Variants in HHAT observed in about 807,000 individuals in gnomAD.
The protein encoded by HHAT is protein-cysteine N-palmitoyltransferase HHAT.
A neutral mutation model predicts 70.8 loss-of-function variants in HHAT; 47 were observed. That is an observed-to-expected ratio of 0.66 (90% confidence interval 0.53 to 0.85). The LOEUF (loss-of-function observed/expected upper bound fraction) is 0.85, where lower values mean the gene tolerates loss of function less well. Ranked by LOEUF, HHAT falls within the 40% of genes least tolerant of loss-of-function variation. The pLI, the probability that HHAT is intolerant of heterozygous loss-of-function variation, is 0.00. For synonymous variants in HHAT, 228 were observed against 247.6 expected, an observed-to-expected ratio of 0.92 and a Z score of 0.74; for missense variants, 609 against 604.8, an observed-to-expected ratio of 1.01 and a Z score of -0.07.
intron 3 of HHAT, among the ~76,000 whole-genome samples, chr1:210,372,020 A>C (rs1179069781): frequency 6.6e-6 from 1 of 152,204 alleles, no homozygotes; most frequent in Non-Finnish European, 1.5e-5. Context: ...GGGTTAAGGA[A>C]TTAAGAGGCA....
intron 2 of HHAT, among the ~76,000 whole-genome samples, chr1:210,361,686 T>C (rs952865593): frequency 6.6e-6 from 1 of 152,140 alleles, no homozygotes; most frequent in Non-Finnish European, 1.5e-5. Flanking sequence ...TTTATACTTT[T>C]GTTGATCTGA....
At chr1:210,467,541 G>C (rs1186127442) in intron 8 of HHAT, among the ~76,000 whole-genome samples, 1 of 152,152 alleles carries the variant, frequency 6.6e-6, no homozygotes. Context: ...GCTGCAGACA[G>C]GGAATGGCTC....
At chr1:210,383,229 A>G (rs1236994518) in intron 3 of HHAT, among the ~76,000 whole-genome samples, 2 of 152,110 alleles carry the variant, frequency 1.3e-5, no homozygotes, top group African/African-American at 2.4e-5. Context: ...AGTCCCAGCT[A>G]CTTGGGAGGC....
At chr1:210,389,682 G>C (rs2091322752) in intron 4 of HHAT, among the ~76,000 whole-genome samples, 1 of 152,218 alleles carries the variant, frequency 6.6e-6, no homozygotes, top group African/African-American at 2.4e-5. Context: ...AGGCCTTCCA[G>C]TCATGCTTCC....
intron 10 of HHAT, among the ~76,000 whole-genome samples, chr1:210,611,793 T>C (rs1204375525): frequency 2.0e-5 from 3 of 152,228 alleles, no homozygotes; most frequent in African/African-American, 7.2e-5. Flanking sequence ...GTTCTGTTTA[T>C]GTGATGAATC....
chr1:210,414,335 T>G (rs928050554), intron 6 of HHAT, among the ~76,000 whole-genome samples: 5 of 152,178 alleles, frequency 3.3e-5, no homozygotes, highest in Non-Finnish European at 7.3e-5. Flanking sequence ...AACATATGAA[T>G]TTTAGTGGGG....
At chr1:210,463,397 A>G (rs2094022241) in intron 7 of HHAT, among the ~76,000 whole-genome samples, 2 of 152,192 alleles carry the variant, frequency 1.3e-5, no homozygotes, top group Admixed American at 6.5e-5. Flanking sequence ...ATATGAATGG[A>G]ATAATACAAT....
At chr1:210,500,078 T>G (rs1307910958) in intron 8 of HHAT, among the ~76,000 whole-genome samples, 1 of 152,244 alleles carries the variant, frequency 6.6e-6, no homozygotes, top group African/African-American at 2.4e-5. Context: ...TCATTCCAGT[T>G]AAGCAACTTT....
chr1:210,541,833 T>C (rs1354432186), intron 9 of HHAT, among the ~76,000 whole-genome samples: 1 of 152,220 alleles, frequency 6.6e-6, no homozygotes, highest in Non-Finnish European at 1.5e-5. Context: ...TCTCCTGGTC[T>C]GAATGACTCA....
At chr1:210,539,911 G>A (rs981726249) in intron 9 of HHAT, among the ~76,000 whole-genome samples, 5 of 152,196 alleles carry the variant, frequency 3.3e-5, no homozygotes, top group Non-Finnish European at 5.9e-5. Context: ...GGCATTCTCA[G>A]ATCATCAAGG....
At chr1:210,671,704 A>G (rs1425720969) in intron 11 of HHAT, among the ~76,000 whole-genome samples, 2 of 152,196 alleles carry the variant, frequency 1.3e-5, no homozygotes, top group Non-Finnish European at 2.9e-5. Context: ...GTTCCTGCCA[A>G]CACCTTGATT....
chr1:210,620,959 G>C (rs928213437), intron 10 of HHAT, among the ~76,000 whole-genome samples: 4 of 151,438 alleles, frequency 2.6e-5, no homozygotes, highest in Admixed American at 1.3e-4. Context: ...TATGGGGGTA[G>C]TCACAGAATC....
At chr1:210,478,042 G>T (rs2094332767) in intron 8 of HHAT, among the ~76,000 whole-genome samples, 1 of 152,096 alleles carries the variant, frequency 6.6e-6, no homozygotes, top group Non-Finnish European at 1.5e-5. Context: ...CTTGCAGTCT[G>T]GTTTTAATGA....
intron 9 of HHAT, among the ~76,000 whole-genome samples, chr1:210,572,428 G>T (rs1244317350): frequency 6.6e-6 from 1 of 152,088 alleles, no homozygotes; most frequent in East Asian, 1.9e-4. Flanking sequence ...ATACGTGCTG[G>T]CATTTTCTCC....
chr1:210,605,520 T>C (rs1037887601), intron 10 of HHAT, among the ~76,000 whole-genome samples: 2 of 152,186 alleles, frequency 1.3e-5, no homozygotes, highest in Non-Finnish European at 1.5e-5. Context: ...ATAACTACTC[T>C]GAAAAATTGG....
At chr1:210,353,472 A>AG (rs1428179251) in intron 2 of HHAT, among the ~76,000 whole-genome samples, 3 of 137,352 alleles carry the variant, frequency 2.2e-5, no homozygotes, top group Non-Finnish European at 4.7e-5. Context: ...AGCACCTGGG[A>AG]GGGGAAGTCT....
intron 8 of HHAT, among the ~76,000 whole-genome samples, chr1:210,476,086 G>GTA (rs2094302375): frequency 6.6e-6 from 1 of 152,072 alleles, no homozygotes; most frequent in African/African-American, 2.4e-5. Context: ...TGCGTATTCT[G>GTA]TAGCACTGTG....
chr1:210,428,665 A>G (rs1238920904), intron 7 of HHAT, among the ~76,000 whole-genome samples: 1 of 151,564 alleles, frequency 6.6e-6, no homozygotes, highest in Non-Finnish European at 1.5e-5. Flanking sequence ...TGTTTCTTAT[A>G]AACTAAAAGT....
At chr1:210,599,030 T>G (rs2148816029) in intron 10 of HHAT, among the ~76,000 whole-genome samples, 1 of 152,268 alleles carries the variant, frequency 6.6e-6, no homozygotes, top group Admixed American at 6.5e-5. Context: ...CAAATACTTG[T>G]CAGAGCTGAG....
Sources: allele counts gnomAD v4.1 joint callset (sites outside exome capture counted in the v4.1 genomes callset), GRCh38; gene constraint gnomAD v4.1.1; transcripts MANE v1.5; gene names NCBI Gene and HGNC (gene_info 2026-07-23, HGNC 2026-07-21).